DGKI: variants seen among roughly 807,000 people sequenced by gnomAD.
The protein encoded by DGKI is diacylglycerol kinase iota.
A neutral mutation model predicts 147.5 loss-of-function variants in DGKI; 55 were observed. The ratio of observed to expected loss-of-function variants is 0.37; its 90% CI spans 0.30 to 0.47. The LOEUF (loss-of-function observed/expected upper bound fraction) is 0.47, where lower values mean the gene tolerates loss of function less well. Among genes scored for constraint, DGKI ranks in the 20% least tolerant of loss-of-function variants. The pLI, the probability that DGKI is intolerant of heterozygous loss-of-function variation, is 1.00. For missense variants in DGKI, 1,007 were observed against 1,323.8 expected (o/e 0.76, Z 3.71); for synonymous variants, 469 against 477.1 (o/e 0.98, Z 0.22).
chr7:137,713,890 C>A (rs1007993127), intron 1 of DGKI, among the ~76,000 whole-genome samples: 1 of 152,198 alleles, frequency 6.6e-6, no homozygotes, highest in Non-Finnish European at 1.5e-5. Context: ...CCTCCCACCT[C>A]AGCCTCCCAA....
intron 21 of DGKI, among the ~76,000 whole-genome samples, chr7:137,516,558 A>C (rs1321785268): frequency 6.6e-6 from 1 of 152,084 alleles, no homozygotes; most frequent in African/African-American, 2.4e-5. Flanking sequence ...TTTTTTAAAA[A>C]AAGAAAAAAA....
intron 1 of DGKI, among the ~76,000 whole-genome samples, chr7:137,776,553 A>T (rs1168579279): frequency 6.6e-6 from 1 of 152,256 alleles, no homozygotes; most frequent in East Asian, 1.9e-4. Flanking sequence ...TACACAACAC[A>T]GAAAATGGTT....
chr7:137,778,583 T>G (rs1012678166), intron 1 of DGKI, among the ~76,000 whole-genome samples: 2 of 152,048 alleles, frequency 1.3e-5, no homozygotes, highest in African/African-American at 4.8e-5. Context: ...ATAACAATTT[T>G]TAGATCTGGA....
At chr7:137,493,804 C>G (rs548063406) in intron 21 of DGKI, 1 of 701,798 alleles carries the variant, frequency 1.4e-6, no homozygotes, top group Non-Finnish European at 2.6e-6. Flanking sequence ...TGCACTAGTT[C>G]CCCAGCAATG....
chr7:137,668,166 T>C (rs949307788), intron 3 of DGKI, among the ~76,000 whole-genome samples: 1 of 152,352 alleles, frequency 6.6e-6, no homozygotes. Context: ...ATAAGAAATA[T>C]GATATTTAAC....
intron 1 of DGKI, among the ~76,000 whole-genome samples, chr7:137,739,912 C>T (rs1034476480): frequency 6.6e-6 from 1 of 152,198 alleles, no homozygotes; most frequent in African/African-American, 2.4e-5. Context: ...TAAGTGAGAA[C>T]TACTGTTGGT....
intron 1 of DGKI, among the ~76,000 whole-genome samples, chr7:137,831,244 A>G (rs1260295924): frequency 6.6e-6 from 1 of 152,222 alleles, no homozygotes; most frequent in Non-Finnish European, 1.5e-5. Flanking sequence ...AGTTAACTTA[A>G]ACAAAAAGGA....
At chr7:137,770,863 C>A (rs1386691618) in intron 1 of DGKI, among the ~76,000 whole-genome samples, 3 of 151,970 alleles carry the variant, frequency 2.0e-5, no homozygotes, top group Non-Finnish European at 4.4e-5. Flanking sequence ...TATTTTAGGG[C>A]CTTTTTAGCT....
At chr7:137,532,674 A>T (rs944112618) in intron 20 of DGKI, among the ~76,000 whole-genome samples, 43 of 152,112 alleles carry the variant, frequency 2.8e-4, no homozygotes, top group African/African-American at 9.4e-4. Context: ...TCTTGTCGGA[A>T]ATCCAAGAAG....
At chr7:137,598,600 T>C (rs531102633) in intron 11 of DGKI, among the ~76,000 whole-genome samples, 4 of 152,308 alleles carry the variant, frequency 2.6e-5, no homozygotes, top group African/African-American at 7.2e-5. Context: ...GGAAAATGCA[T>C]TGACACTGCC....
chr7:137,756,602 C>T (rs1795690846), intron 1 of DGKI, among the ~76,000 whole-genome samples: 1 of 152,194 alleles, frequency 6.6e-6, no homozygotes, highest in Non-Finnish European at 1.5e-5. Flanking sequence ...GCTTTATATG[C>T]TAAACTTAGC....
At chr7:137,625,730 TC>T (rs1820913228) in intron 6 of DGKI, among the ~76,000 whole-genome samples, 1 of 145,652 alleles carries the variant, frequency 6.9e-6, no homozygotes, top group Non-Finnish European at 1.5e-5. Flanking sequence ...AGACCTTATC[TC>T]TATATTAAAA....
intron 28 of DGKI, among the ~76,000 whole-genome samples, chr7:137,421,321 G>A (rs75532610): frequency 0.018 from 2,810 of 152,118 alleles, 76 homozygotes; most frequent in African/African-American, 0.064. Context: ...AACCATAGAT[G>A]GGAGACAAAA....
chr7:137,569,658 G>A (rs1429996147), intron 19 of DGKI, among the ~76,000 whole-genome samples: 2 of 143,756 alleles, frequency 1.4e-5, no homozygotes, highest in Non-Finnish European at 3.0e-5. Flanking sequence ...GAACCCAGGA[G>A]GTAGAGCTTG....
intron 1 of DGKI, among the ~76,000 whole-genome samples, chr7:137,760,044 G>A (rs1795811386): frequency 6.6e-6 from 1 of 152,110 alleles, no homozygotes; most frequent in Non-Finnish European, 1.5e-5. Flanking sequence ...TGAGGCAATT[G>A]AGGCAATCGA....
At chr7:137,519,573 G>A (rs967966181) in intron 21 of DGKI, among the ~76,000 whole-genome samples, 2 of 152,012 alleles carry the variant, frequency 1.3e-5, no homozygotes, top group African/African-American at 2.4e-5. Flanking sequence ...GATGTGTTGT[G>A]CAAATTTCAC....
At chr7:137,563,241 T>A (rs1207736762) in intron 19 of DGKI, among the ~76,000 whole-genome samples, 1 of 151,838 alleles carries the variant, frequency 6.6e-6, no homozygotes, top group African/African-American at 2.4e-5. Context: ...AAAGTAGGAA[T>A]GAAATGGAAA....
At chr7:137,537,465 A>C (rs1028600436) in intron 20 of DGKI, among the ~76,000 whole-genome samples, 1 of 152,212 alleles carries the variant, frequency 6.6e-6, no homozygotes, top group Admixed American at 6.5e-5. Flanking sequence ...CAGAAATAAA[A>C]AAAAATTATC....
chr7:137,797,643 G>A, intron 1 of DGKI, among the ~76,000 whole-genome samples: 1 of 151,752 alleles, frequency 6.6e-6, no homozygotes, highest in South Asian at 2.1e-4. Context: ...GTAATCCTCA[G>A]AAAAAAGCAG....
Sources: allele counts gnomAD v4.1 joint callset (sites outside exome capture counted in the v4.1 genomes callset), GRCh38; gene constraint gnomAD v4.1.1; transcripts MANE v1.5; gene names NCBI Gene and HGNC (gene_info 2026-07-23, HGNC 2026-07-21).